The following FER1L6 variants were observed in gnomAD, a reference collection of about 807,000 sequenced individuals.
FER1L6 encodes the protein fer-1-like protein 6.
A neutral mutation model predicts 219.2 loss-of-function variants in FER1L6; 177 were observed. The ratio of observed to expected loss-of-function variants is 0.81; its 90% CI spans 0.71 to 0.91. FER1L6 has a LOEUF of 0.91. Ranked by LOEUF, FER1L6 falls within the 40% of genes least tolerant of loss-of-function variation. The pLI is 0.00. For synonymous variants in FER1L6, 768 were observed against 824.3 expected (o/e 0.93, Z 1.17); for missense variants, 2,153 against 2,259.9 (o/e 0.95, Z 0.96).
At chr8:123,900,816 G>T (rs765888371) in intron 1 of FER1L6, among the ~76,000 whole-genome samples, 3 of 152,086 alleles carry the variant, frequency 2.0e-5, no homozygotes, top group Non-Finnish European at 4.4e-5. Flanking sequence ...ATTGACTTGC[G>T]TATGTTAAAC....
intron 1 of FER1L6, among the ~76,000 whole-genome samples, chr8:123,947,319 T>G (rs1054208469): frequency 6.6e-6 from 1 of 151,534 alleles, no homozygotes; most frequent in Admixed American, 6.6e-5. Context: ...TTTTAAGAAA[T>G]GGATGGAAAC....
chr8:124,011,330 C>T (rs1299811999), intron 14 of FER1L6, among the ~76,000 whole-genome samples: 1 of 152,134 alleles, frequency 6.6e-6, no homozygotes, highest in Non-Finnish European at 1.5e-5. Flanking sequence ...CTTCTACCCC[C>T]TTATCTTCTT....
At chr8:124,031,396 T>C (rs948394052) in intron 18 of FER1L6, among the ~76,000 whole-genome samples, 2 of 152,110 alleles carry the variant, frequency 1.3e-5, no homozygotes, top group Non-Finnish European at 2.9e-5. Flanking sequence ...AAGGGTATTA[T>C]CTAATGCTAG....
intron 22 of FER1L6, among the ~76,000 whole-genome samples, chr8:124,058,531 C>T (rs1820411781): frequency 6.6e-6 from 1 of 152,168 alleles, no homozygotes; most frequent in Non-Finnish European, 1.5e-5. Flanking sequence ...TTAATTGCCA[C>T]AATGTTATAG....
intron 1 of FER1L6, among the ~76,000 whole-genome samples, chr8:123,941,550 G>A (rs1344125217): frequency 6.6e-6 from 1 of 152,206 alleles, no homozygotes; most frequent in Non-Finnish European, 1.5e-5. Flanking sequence ...GTATTTTCCT[G>A]TGCTGTGCCA....
chr8:123,895,532 T>A lies in FER1L6; in HGVS notation c.-8+43347T>A, dbSNP rs1019650595. Among the ~76,000 whole-genome samples, 4 of 152,180 alleles carry A rather than the reference T, an allele frequency of 2.6e-5. No homozygotes were observed. In the East Asian group the frequency reaches 7.7e-4, roughly 29 times the overall value. ...TGACACACAGAGAAATGTAGTAACT[T>A]GCCCACAGCTCGTAGGTCGCGGAGT... On this transcript the variant is annotated intron_variant, in intron 1 of 40. Transcript: ENST00000522917.
intron 26 of FER1L6, 120 bp from the exon 27 acceptor site, chr8:124,066,308 G>T: frequency 9.0e-7 from 1 of 1,114,506 alleles, no homozygotes. Flanking sequence ...CAAAACCAGT[G>T]GATACCTCTG....
intron 22 of FER1L6, among the ~76,000 whole-genome samples, chr8:124,051,274 T>C (rs538043888): frequency 8.8e-4 from 134 of 152,238 alleles, no homozygotes; most frequent in African/African-American, 2.7e-3. Context: ...GTCTATAGAA[T>C]TCTATTATAT....
chr8:123,946,153 T>C (rs11986147), intron 1 of FER1L6, among the ~76,000 whole-genome samples: 5,254 of 152,310 alleles, frequency 0.034, 322 homozygotes, highest in African/African-American at 0.12. Context: ...AAGTACTAGC[T>C]CTTCCAATGA....
At chr8:124,064,759 G>T (rs73330111) in intron 26 of FER1L6, among the ~76,000 whole-genome samples, 186 bp downstream of exon 26, 2,565 of 152,312 alleles carry the variant, frequency 0.017, 63 homozygotes, top group African/African-American at 0.056. Flanking sequence ...GGATCAGAAG[G>T]TTAATGTGCA....
intron 1 of FER1L6, among the ~76,000 whole-genome samples, chr8:123,955,058 A>G (rs1354059356): frequency 2.0e-5 from 3 of 152,164 alleles, no homozygotes; most frequent in Non-Finnish European, 4.4e-5. Context: ...CTGGCAGAGC[A>G]TTAGGAATGC....
At chr8:124,040,539 G>A (rs573502797) in intron 20 of FER1L6, 61 of 165,666 alleles carry the variant, frequency 3.7e-4, no homozygotes, top group South Asian at 2.6e-3. Context: ...TATTAAGGGA[G>A]ATGGGTTGTC....
chr8:124,060,473 T>C (rs188662229), intron 23 of FER1L6, 75 bp from the exon 24 acceptor site: 2 of 1,582,400 alleles, frequency 1.3e-6, no homozygotes, highest in Non-Finnish European at 8.6e-7. Flanking sequence ...GGTCTAACTT[T>C]TCCACACAGA....
chr8:123,913,624 T>C (rs1021808398), intron 1 of FER1L6, among the ~76,000 whole-genome samples: 4 of 152,148 alleles, frequency 2.6e-5, no homozygotes, highest in African/African-American at 7.2e-5. Flanking sequence ...GACTAAGCCA[T>C]TGGTTTCCAC....
rs545630430 is a variant in FER1L6, at chr8:124,082,246, C to CCA, written c.4221-41_4221-40dup. The CCA allele has an allele frequency of 9.5e-4, 1,485 of 1,565,468 alleles. 13 individuals are homozygous for CCA. In the African/African-American group the frequency reaches 0.017, roughly 18 times the overall value. On this transcript the variant is annotated intron_variant, in intron 32 of 40. Transcript: ENST00000522917. ...AAGCTGGGAATGGTTCCCTGTGTCA[C>CCA]CAAATGTTAACTGACTCTTGAAGTC...
chr8:124,031,321 T>G lies in FER1L6; in HGVS notation c.2287-3956T>G, dbSNP rs1818957834. Reference sequence around the variant, plus strand: ...AGGAAGATCCCAAAATAGGGGGAAATCATCCATTTTTATGCTTAGGTTCAA... The same window carrying G: ...AGGAAGATCCCAAAATAGGGGGAAAGCATCCATTTTTATGCTTAGGTTCAA... On this transcript the variant is annotated intron_variant, in intron 18 of 40. Coordinates refer to ENST00000522917, the MANE Select transcript of FER1L6 (RefSeq NM_001039112.2). Among the ~76,000 whole-genome samples, 2 of 152,168 alleles carry G rather than the reference T, an allele frequency of 1.3e-5. 1 individual carries two copies. Among genetic ancestry groups the G allele is most frequent in the East Asian group, 3.8e-4 (2 of 5,196 alleles).
chr8:123,944,877 G>T (rs1385911726), intron 1 of FER1L6, among the ~76,000 whole-genome samples: 1 of 152,140 alleles, frequency 6.6e-6, no homozygotes, highest in Middle Eastern at 3.2e-3. Flanking sequence ...TCTACTCAGG[G>T]TCTTGGCTCC....
chr8:124,084,813 T>C (rs1327419572), intron 33 of FER1L6, among the ~76,000 whole-genome samples: 1 of 152,120 alleles, frequency 6.6e-6, no homozygotes, highest in African/African-American at 2.4e-5. Flanking sequence ...ATATCCTTTT[T>C]CTTTGTTTTT....
intron 1 of FER1L6, among the ~76,000 whole-genome samples, chr8:123,930,597 G>A (rs1223160542): frequency 2.0e-5 from 3 of 152,124 alleles, no homozygotes; most frequent in Admixed American, 2.0e-4. Flanking sequence ...CCTGTGCTCA[G>A]GGAGGGAGTG....
Sources: allele counts gnomAD v4.1 joint callset (sites outside exome capture counted in the v4.1 genomes callset), GRCh38; gene constraint gnomAD v4.1.1; transcripts MANE v1.5; gene names NCBI Gene and HGNC (gene_info 2026-07-23, HGNC 2026-07-21).